ARFGAP2: variants seen among roughly 807,000 people sequenced by gnomAD.
ARFGAP2 encodes the protein ADP-ribosylation factor GTPase-activating protein 2.
Under a neutral mutation model 71.9 loss-of-function variants are expected in ARFGAP2, and 45 were observed. The ratio of observed to expected loss-of-function variants is 0.63; its 90% CI spans 0.49 to 0.80. The LOEUF (loss-of-function observed/expected upper bound fraction) is 0.80. Among genes scored for constraint, ARFGAP2 ranks in the 30% least tolerant of loss-of-function variants. ARFGAP2 has a pLI of 0.00. For synonymous variants in ARFGAP2, 248 were observed against 249.2 expected, an observed-to-expected ratio of 1.00 and a Z score of 0.05; for missense variants, 633 against 673.9, an observed-to-expected ratio of 0.94 and a Z score of 0.67.
intron 5 of ARFGAP2, chr11:47,174,744 AC>A (rs1252010326): frequency 1.8e-5 from 7 of 393,922 alleles, no homozygotes; most frequent in African/African-American, 1.4e-4. Flanking sequence ...TGTTTGGGGC[AC>A]CGGACACCTC....
At chr11:47,166,948 A>G in intron 12 of ARFGAP2, 62 bp from the exon 13 acceptor site, 16 of 1,574,878 alleles carry the variant, frequency 1.0e-5, no homozygotes, top group Non-Finnish European at 1.4e-5. Context: ...GGCAGAGTAC[A>G]GAGGCCAAAC....
In ARFGAP2 at chr11:47,176,794, A is replaced by G; in HGVS notation, c.60T>C (p.Val20=). Residue 20 remains valine, a synonymous_variant, in exon 1 of 16, where the codon GTT becomes GTC. Coordinates refer to ENST00000524782, the MANE Select transcript of ARFGAP2 (RefSeq NM_032389.6). Reference sequence around the variant, plus strand: ...CCTGCTCACGCACCTTGTTGGTTGGAACTGCGCGAAGCCTCTTAAAAAGAG... The same window carrying G: ...CCTGCTCACGCACCTTGTTGGTTGGGACTGCGCGAAGCCTCTTAAAAAGAG... The part of the protein sequence containing the change: ...IQTLFKRLRA[V]PTNKACFDCG... 1 of 1,614,108 alleles carries G rather than the reference A, an allele frequency of 6.2e-7. No homozygotes were observed. The highest frequency in any genetic ancestry group is 8.5e-7 in the Non-Finnish European group (1 of 1,180,030).
chr11:47,165,518 GA>G lies in ARFGAP2; in HGVS notation c.1546-17del. 3 of 1,507,164 alleles carry G rather than the reference GA, an allele frequency of 2.0e-6. No individual in the cohort carries two copies. The highest frequency in any genetic ancestry group is 8.8e-7 in the Non-Finnish European group (1 of 1,134,260). The allele number at this position is 1,507,164 out of a possible 1,614,324, so 93.4% of individuals were successfully genotyped here. On this transcript the variant is annotated splice_polypyrimidine_tract_variant and intron_variant, in intron 15 of 15. Coordinates refer to ENST00000524782, the MANE Select transcript of ARFGAP2 (RefSeq NM_032389.6). ...CGTAGCGATCCTGGGGGCGAGGGGG[GA>G]GAAAAAAAAAAAAAAAGTCAGAGGC...
chr11:47,166,070 G>GT (rs1952362232), intron 15 of ARFGAP2, among the ~76,000 whole-genome samples, 198 bp downstream of exon 15: 1 of 152,130 alleles, frequency 6.6e-6, no homozygotes, highest in African/African-American at 2.4e-5. Flanking sequence ...TGCCATGTTG[G>GT]TCAGGCTGGT....
chr11:47,173,679 T>C, intron 6 of ARFGAP2, 80 bp downstream of exon 6: 1 of 1,511,904 alleles, frequency 6.6e-7, no homozygotes, highest in Non-Finnish European at 8.9e-7. Context: ...GCTCCTATTG[T>C]CATGGCCAGA....
At position 47,175,858 on chromosome 11, in the gene ARFGAP2, G is replaced by C. The variant is rs1590963511; in HGVS notation, c.257C>G (p.Ala86Gly). The change falls in exon 3 of 16, where the codon GCC becomes GGC. Residue 86 changes from alanine to glycine, a missense_variant. Transcript: ENST00000524782. The stretch of plus-strand genomic sequence containing the variant: ...AAGTAGAAGGAGCTTTACCGCATTG[G>C]CATTCCCGCCGACCTGCATACACCT... Reference protein sequence around the residue: ...QLRCMQVGGNANATAFFRQHG... With the variant: ...QLRCMQVGGNGNATAFFRQHG... 3 of 1,614,160 alleles carry C rather than the reference G, an allele frequency of 1.9e-6. No homozygotes were observed. The highest frequency in any genetic ancestry group is 4.5e-5 in the East Asian group (2 of 44,882).
chr11:47,171,549 G>A lies in ARFGAP2; in HGVS notation c.818C>T (p.Ser273Phe). The A allele has an allele frequency of 1.9e-6, 3 of 1,614,186 alleles. No homozygotes were observed. The highest frequency in any genetic ancestry group is 3.3e-4 in the Middle Eastern group (2 of 6,062). Reference protein sequence around the residue: ...KKQAEESMVASMRLAYQELQI... With the variant: ...KKQAEESMVAFMRLAYQELQI... ...GAGCTCCTGGTAGGCCAGACGCATG[G>A]AGGCGACCCTTAGGGGGAACAAAGG... Residue 273 changes from serine (S) to phenylalanine (F), a missense_variant, in exon 10 of 16, where the codon TCC (serine) becomes TTC (phenylalanine). Coordinates refer to ENST00000524782, the MANE Select transcript of ARFGAP2 (RefSeq NM_032389.6).
chr11:47,175,722 T>C, intron 3 of ARFGAP2, 129 bp downstream of exon 3: 1 of 1,065,328 alleles, frequency 9.4e-7, no homozygotes, highest in East Asian at 2.5e-5. Flanking sequence ...TTTCAGAAAA[T>C]AGCTTATGGT....
chr11:47,176,353 C>A, intron 2 of ARFGAP2, 163 bp downstream of exon 2: 2 of 687,720 alleles, frequency 2.9e-6, no homozygotes, highest in East Asian at 5.3e-5. Flanking sequence ...TGCCAAAGGG[C>A]CCACACAGGT....
At chr11:47,175,580 C>T (rs1663849921) in intron 3 of ARFGAP2, 5 of 628,332 alleles carry the variant, frequency 8.0e-6, no homozygotes, top group Non-Finnish European at 2.7e-6. Flanking sequence ...CCCCATCCTT[C>T]ATCCAGGGCA....
At chr11:47,168,892 C>T (rs981256283) in intron 10 of ARFGAP2, among the ~76,000 whole-genome samples, 1 of 152,050 alleles carries the variant, frequency 6.6e-6, no homozygotes, top group Non-Finnish European at 1.5e-5. Flanking sequence ...CTACCTTGTG[C>T]ACTATGAACC....
In ARFGAP2 at chr11:47,166,841, C is replaced by T; in HGVS notation, c.1251G>A (p.Glu417=). The change falls in exon 13 of 16, where the codon GAG becomes GAA. Residue 417 remains glutamate (E), a synonymous_variant. Coordinates refer to ENST00000524782, the MANE Select transcript of ARFGAP2 (RefSeq NM_032389.6). ...REVESRSSGL[E]SSEARQKFAG... ...CGAATTTCTGACGCGCCTCACTAGA[C>T]TCGAGGCCTGAGCTCCGGCTCTCCA... The T allele has an allele frequency of 6.2e-7, 1 of 1,614,068 alleles. No individual in the cohort carries two copies. Among genetic ancestry groups the T allele is most frequent in the Non-Finnish European group, 8.5e-7 (1 of 1,180,014 alleles).
chr11:47,176,801 C>T lies in ARFGAP2; in HGVS notation c.53G>A (p.Arg18His), dbSNP rs745361968. Residue 18 changes from arginine to histidine, a missense_variant, in exon 1 of 16, where the codon CGC becomes CAC. Arg to His is a conservative substitution (Grantham distance 29). Coordinates refer to ENST00000524782, the MANE Select transcript of ARFGAP2 (RefSeq NM_032389.6). ...TEIQTLFKRL[R>H]AVPTNKACFD... ...ACGCACCTTGTTGGTTGGAACTGCG[C>T]GAAGCCTCTTAAAAAGAGTCTGGAT... 2 of 1,614,108 alleles carry T rather than the reference C, an allele frequency of 1.2e-6. No homozygotes were observed. The highest frequency in any genetic ancestry group is 1.7e-6 in the Non-Finnish European group (2 of 1,180,028).
intron 3 of ARFGAP2, 185 bp from the exon 4 acceptor site, chr11:47,175,498 G>A: frequency 1.1e-6 from 1 of 897,676 alleles, no homozygotes; most frequent in Middle Eastern, 2.5e-4. Context: ...CTTGCAGCGG[G>A]CCATCCTCTG....
chr11:47,168,483 G>A (rs1487042112), intron 10 of ARFGAP2: 1 of 459,446 alleles, frequency 2.2e-6, no homozygotes, highest in African/African-American at 2.0e-5. Flanking sequence ...TTCCACGTAG[G>A]AGTTCCCTGG....
In ARFGAP2 at chr11:47,176,832, T is replaced by C. The variant is rs535823107; in HGVS notation, c.22A>G (p.Thr8Ala). 132 of 1,613,734 alleles carry C rather than the reference T, an allele frequency of 8.2e-5. No individual in the cohort carries two copies. The highest frequency in any genetic ancestry group is 1.0e-4 in the Non-Finnish European group (119 of 1,180,008). The change falls in exon 1 of 16, where the codon ACC (threonine) becomes GCC (alanine). Residue 8 changes from threonine (T) to alanine (A), a missense_variant. Transcript: ENST00000524782. Reference sequence around the variant, plus strand: ...CTCTTAAAAAGAGTCTGGATTTCGGTCTTGTTCGGCTCCGCCGCCATTTTC... The same window carrying C: ...CTCTTAAAAAGAGTCTGGATTTCGGCCTTGTTCGGCTCCGCCGCCATTTTC... MAAEPNK[T>A]EIQTLFKRLR...
At position 47,176,773 on chromosome 11, in the gene ARFGAP2, C is replaced by T. The variant is rs1952851304; in HGVS notation, c.72+9G>A. ...GACGAGAGACTCCGCGCGCCCCCTG[C>T]TCACGCACCTTGTTGGTTGGAACTG... On this transcript the variant is annotated intron_variant, in intron 1 of 15. Transcript: ENST00000524782. 2.5e-6 allele frequency: 4 copies of T among 1,614,160 alleles called. No individual in the cohort carries two copies. The highest frequency in any genetic ancestry group is 3.4e-6 in the Non-Finnish European group (4 of 1,180,020).
At chr11:47,170,425 C>T (rs1458037677) in intron 10 of ARFGAP2, among the ~76,000 whole-genome samples, 1 of 151,868 alleles carries the variant, frequency 6.6e-6, no homozygotes, top group African/African-American at 2.4e-5. Flanking sequence ...GCAGGTGGAT[C>T]ACTTGAGGTC....
Position 47,175,605 on chromosome 11 carries a change from A to C in ARFGAP2, c.264+246T>G. 1.9e-5 allele frequency: 12 copies of C among 621,658 alleles called. No homozygotes were observed. The South Asian group carries it at 2.3e-4, about 12-fold the overall frequency. 38.5% of individuals were successfully genotyped at this position (621,658 alleles called of 1,614,324 possible). On this transcript the variant is annotated intron_variant, in intron 3 of 15. Transcript: ENST00000524782. ...CATCCAGGGCAGGCCCACAAGACCCAATGACTGTGAAGGCTCCCAACTCCT... is the reference window on the plus strand; with the variant it reads ...CATCCAGGGCAGGCCCACAAGACCCCATGACTGTGAAGGCTCCCAACTCCT...
Sources: gnomAD v4.1 joint callset for allele counts (sites outside exome capture counted in the v4.1 genomes callset) on GRCh38, gnomAD v4.1.1 for gene constraint, MANE v1.5 for transcripts, NCBI Gene and HGNC (gene_info 2026-07-23, HGNC 2026-07-21) for gene names.